KANSL3: variants seen among roughly 807,000 people sequenced by gnomAD.
KANSL3 encodes the protein KAT8 regulatory NSL complex subunit 3.
A neutral mutation model predicts 89.2 loss-of-function variants in KANSL3; 16 were observed. The observed-to-expected ratio is 0.18, with a 90% CI of 0.12 to 0.27. KANSL3 has a LOEUF of 0.27. KANSL3 is among the 10% of genes least tolerant of loss of function. KANSL3 has a pLI of 1.00. For missense variants in KANSL3, 879 were observed against 1,110.6 expected (o/e 0.79, Z 2.96); for synonymous variants, 385 against 419.7 (o/e 0.92, Z 1.01).
At chr2:96,636,045 T>A (rs898947227) in intron 2 of KANSL3, among the ~76,000 whole-genome samples, 1 of 150,312 alleles carries the variant, frequency 6.7e-6, no homozygotes, top group Non-Finnish European at 1.5e-5. Context: ...ACTCATTAGG[T>A]CATTAAGTCT....
Position 96,609,084 on chromosome 2 carries a change from A to G in KANSL3, c.1384-20T>C, listed in dbSNP as rs1198183557. Reference sequence around the variant, plus strand: ...CTCATCCTAGTGTAGAGAGGAGCCAACCAAGGCCTTTTAGTCCTCATCTGG... The same window carrying G: ...CTCATCCTAGTGTAGAGAGGAGCCAGCCAAGGCCTTTTAGTCCTCATCTGG... On this transcript the variant is annotated intron_variant, in intron 12 of 20. Transcript: ENST00000431828. 3 of 1,550,570 alleles carry G rather than the reference A, an allele frequency of 1.9e-6. No individual in the cohort carries two copies. Among genetic ancestry groups the G allele is most frequent in the African/African-American group, 1.4e-5 (1 of 73,112 alleles).
rs2070829037 is a variant in KANSL3, at chr2:96,619,411, C to A, written c.611G>T (p.Ser204Ile). The stretch of plus-strand genomic sequence containing the variant: ...CAGGTAGGCTGCCAGCATGGGCAGA[C>A]TCAAGGTCTCCACAAGGGTGGTGTG... ...WLHTTLVETLSLPMLAAYLDA... is the reference protein window; with the variant it reads ...WLHTTLVETLILPMLAAYLDA... Residue 204 changes from serine to isoleucine, a missense_variant, in exon 5 of 21, where the codon AGT becomes ATT. Ser to Ile is a moderately radical substitution (Grantham distance 142). Coordinates refer to ENST00000431828, the MANE Select transcript of KANSL3 (RefSeq NM_001115016.3). 1.2e-6 allele frequency: 2 copies of A among 1,613,790 alleles called. No homozygotes were observed. Among genetic ancestry groups the A allele is most frequent in the Non-Finnish European group, 1.7e-6 (2 of 1,179,802 alleles).
chr2:96,636,466 T>C (rs2074259390), intron 2 of KANSL3, among the ~76,000 whole-genome samples: 1 of 152,204 alleles, frequency 6.6e-6, no homozygotes, highest in Admixed American at 6.5e-5. Flanking sequence ...GTCTTGGGAA[T>C]TGGCTCCTAA....
chr2:96,617,939 T>C (rs183743021), intron 5 of KANSL3, among the ~76,000 whole-genome samples: 2,377 of 147,508 alleles, frequency 0.016, 27 homozygotes, highest in Non-Finnish European at 0.025. Context: ...GCCGAGATCG[T>C]GCCACTGCAT....
Position 96,609,668 on chromosome 2 carries a change from A to G in KANSL3, c.1320-106T>C. 5.6e-6 allele frequency: 6 copies of G among 1,080,444 alleles called. No homozygotes were observed. The South Asian group carries it at 7.7e-5, about 14-fold the overall frequency. 66.9% of individuals were successfully genotyped at this position (1,080,444 alleles called of 1,614,324 possible). On this transcript the variant is annotated intron_variant, in intron 11 of 20. Coordinates refer to ENST00000431828, the MANE Select transcript of KANSL3 (RefSeq NM_001115016.3). ...GGGTTGTTTATTTTCTAGCCCCAGA[A>G]GGAGGGCCATGTTAGCCTTAGGCAG...
downstream of KANSL3, among the ~76,000 whole-genome samples, chr2:96,589,874 C>T (rs578057440): frequency 3.9e-5 from 6 of 152,138 alleles, no homozygotes; most frequent in South Asian, 8.3e-4. Flanking sequence ...AGAGGCCAGG[C>T]GCAGTGGCTC....
At chr2:96,619,813 A>AGGGTT in intron 3 of KANSL3, 51 bp from the exon 4 acceptor site, 6 of 1,331,506 alleles carry the variant, frequency 4.5e-6, no homozygotes, top group Non-Finnish European at 6.3e-6. Context: ...GACGCTCCCC[A>AGGGTT]TGTATGTACA....
At chr2:96,604,715 A>G in intron 16 of KANSL3, 64 bp downstream of exon 16, 1 of 1,413,380 alleles carries the variant, frequency 7.1e-7, no homozygotes. Flanking sequence ...CAAAGCACTA[A>G]ATAAACCAGA....
chr2:96,624,326 A>G (rs964358548), intron 3 of KANSL3, among the ~76,000 whole-genome samples: 1 of 152,140 alleles, frequency 6.6e-6, no homozygotes, highest in African/African-American at 2.4e-5. Flanking sequence ...GGATGCTTAC[A>G]AGTCATTTGA....
At chr2:96,591,426 T>C (rs1558632846), downstream of KANSL3, among the ~76,000 whole-genome samples, 1 of 152,190 alleles carries the variant, frequency 6.6e-6, no homozygotes, top group Non-Finnish European at 1.5e-5. Flanking sequence ...GTTACAGCGA[T>C]AAAATGACAT....
intron 3 of KANSL3, 49 bp downstream of exon 3, chr2:96,631,263 A>C (rs1291265828): frequency 7.6e-7 from 1 of 1,321,788 alleles, no homozygotes; most frequent in Middle Eastern, 2.0e-4. Flanking sequence ...AATGAAGATG[A>C]TACAAAATAA....
intron 3 of KANSL3, chr2:96,628,618 T>G (rs2072832627): frequency 6.4e-6 from 1 of 155,100 alleles, no homozygotes; most frequent in Non-Finnish European, 1.4e-5. Context: ...ATCGTGCCAC[T>G]GCACTGCAGT....
the KANSL3 span, among the ~76,000 whole-genome samples, chr2:96,582,405 A>G: frequency 6.6e-6 from 1 of 152,174 alleles, no homozygotes; most frequent in Non-Finnish European, 1.5e-5. Context: ...CTCAAAAAAA[A>G]AAAAGAAGAA....
At chr2:96,628,780 A>G (rs925831571) in intron 3 of KANSL3, 8 of 152,290 alleles carry the variant, frequency 5.3e-5, no homozygotes, top group Non-Finnish European at 1.2e-4. Context: ...CAAAAAAAAA[A>G]AAAATCACAC....
At chr2:96,612,131 TTAATAA>T (rs778601333) in intron 9 of KANSL3, 145 bp downstream of exon 9, 7 of 628,774 alleles carry the variant, frequency 1.1e-5, no homozygotes, top group Non-Finnish European at 2.0e-5. Context: ...AAAAATTGTT[TTAATAA>T]AATTTGTCTT....
chr2:96,609,980 A>AAAAT (rs2068635794), intron 11 of KANSL3, among the ~76,000 whole-genome samples: 6 of 147,528 alleles, frequency 4.1e-5, no homozygotes, highest in Non-Finnish European at 4.5e-5. Flanking sequence ...AAAAAAAAAA[A>AAAAT]GCTCAAGGTC....
intron 3 of KANSL3, among the ~76,000 whole-genome samples, chr2:96,627,213 C>T (rs1026739865): frequency 6.6e-6 from 1 of 151,684 alleles, no homozygotes; most frequent in African/African-American, 2.4e-5. Flanking sequence ...AAGGGAGGAA[C>T]ATGCTTCTTT....
chr2:96,616,969 G>C (rs1021619376), intron 5 of KANSL3, among the ~76,000 whole-genome samples: 2 of 152,200 alleles, frequency 1.3e-5, no homozygotes, highest in African/African-American at 4.8e-5. Context: ...GGTCACCAGA[G>C]AACTGAGACC....
In KANSL3 at chr2:96,612,531, A is replaced by G; in HGVS notation, c.945T>C (p.Asn315=). 4 of 1,613,940 alleles carry G rather than the reference A, an allele frequency of 2.5e-6. No homozygotes were observed. The highest frequency in any genetic ancestry group is 3.4e-6 in the Non-Finnish European group (4 of 1,179,856). ...VIPVATHLLN[N]GSGVGVLQCL... ...ACTGTAGAACTCCTACCCCACTGCC[A>G]TTGTTCAGCAGATGGGTGGCTACAG... Residue 315 remains asparagine, a synonymous_variant, in exon 8 of 21, where the codon AAT becomes AAC. Coordinates refer to ENST00000431828, the MANE Select transcript of KANSL3 (RefSeq NM_001115016.3).
Sources: allele counts gnomAD v4.1 joint callset (sites outside exome capture counted in the v4.1 genomes callset), GRCh38; gene constraint gnomAD v4.1.1; transcripts MANE v1.5; gene names NCBI Gene and HGNC (gene_info 2026-07-23, HGNC 2026-07-21).